Variants in AGAP1 observed in about 807,000 individuals in gnomAD.
AGAP1 encodes ArfGAP with GTPase domain, ankyrin repeat and PH domain 1, also known as arf-GAP with GTPase, ANK repeat and PH domain-containing protein 1.
AGAP1 carries 29 observed loss-of-function variants against 105.3 expected under a neutral mutation model. The observed-to-expected ratio is 0.28, with a 90% CI of 0.21 to 0.38. The LOEUF (loss-of-function observed/expected upper bound fraction) is 0.38, where lower values mean the gene tolerates loss of function less well. Among genes scored for constraint, AGAP1 ranks in the 10% least tolerant of loss-of-function variants. The pLI, the probability that AGAP1 is intolerant of heterozygous loss-of-function variation, is 1.00. For missense variants in AGAP1, 998 were observed against 1,165.1 expected (o/e 0.86, Z 2.09); for synonymous variants, 509 against 485.9 (o/e 1.05, Z -0.63).
In AGAP1 at chr2:235,797,758, G is replaced by A. The variant is rs1209473360; in HGVS notation, c.674-1G>A. 2 of 1,614,036 alleles carry A rather than the reference G, an allele frequency of 1.2e-6. No homozygotes were observed. The highest frequency in any genetic ancestry group is 1.7e-6 in the Non-Finnish European group (2 of 1,180,030). Reference sequence around the variant, plus strand: ...TTTCTTTTTGTCTGTGTGTCCACCAGTTGCCCAGAAGATTGTTGCCACAAG... The same window carrying A: ...TTTCTTTTTGTCTGTGTGTCCACCAATTGCCCAGAAGATTGTTGCCACAAG... On this transcript the variant is annotated splice_acceptor_variant, in intron 6 of 17. Transcript: ENST00000304032. LOFTEE classifies it high-confidence loss of function.
intron 16 of AGAP1, among the ~76,000 whole-genome samples, chr2:236,117,544 G>A (rs2059800712): frequency 1.3e-5 from 2 of 152,194 alleles, no homozygotes; most frequent in South Asian, 4.1e-4. Flanking sequence ...AGTTAGCACT[G>A]TAGCTACTAG....
intron 15 of AGAP1, among the ~76,000 whole-genome samples, chr2:236,043,320 G>A (rs539190661): frequency 5.3e-5 from 8 of 152,314 alleles, no homozygotes; most frequent in African/African-American, 1.9e-4. Context: ...CTTTCCAGAT[G>A]TTCATCACAG....
Position 236,114,585 on chromosome 2 carries a change from C to G in AGAP1, c.2115-5607C>G, listed in dbSNP as rs2059724956. On this transcript the variant is annotated intron_variant, in intron 16 of 17. Transcript: ENST00000304032. The surrounding 1 kb of genome is among the most constrained non-coding windows in gnomAD (Gnocchi z 5.0). The stretch of plus-strand genomic sequence containing the variant: ...CAGGGTTGGTTCTGGTGAGACCTCT[C>G]TCCCTGGCTGACAGATGGTGCCTTC... Among the ~76,000 whole-genome samples, 1 of 152,186 alleles carries G rather than the reference C, an allele frequency of 6.6e-6. No individual in the cohort carries two copies.
chr2:235,944,919 C>T (rs1030980669), intron 12 of AGAP1, among the ~76,000 whole-genome samples: 3 of 152,194 alleles, frequency 2.0e-5, no homozygotes, highest in Non-Finnish European at 4.4e-5. Flanking sequence ...CCTGGACCAG[C>T]ACCCGGCTTT....
At position 235,992,782 on chromosome 2, in the gene AGAP1, C is replaced by T. The variant is rs573453572; in HGVS notation, c.1645+24159C>T. Among the ~76,000 whole-genome samples the T allele has an allele frequency of 1.3e-5, 2 of 152,288 alleles. No homozygotes were observed. The highest frequency in any genetic ancestry group is 1.9e-4 in the East Asian group (1 of 5,164). On this transcript the variant is annotated intron_variant, in intron 13 of 17. Transcript: ENST00000304032. This position sits in a 1 kb window ranked among gnomAD's most constrained non-coding sequence, Gnocchi z 4.8. ...CGAGGAGAGCGTAGCCTCCTGTTAA[C>T]GTAGCCTCCTGCTGCTCTTTGGGGT...
rs115463318 is a variant in AGAP1, at chr2:235,842,002, C to T, written c.1050+34671C>T. ...TTTAGAAGAAATCTTGCCGTCACCA[C>T]TCCATGCAGACGCTGGGATACTAAG... On this transcript the variant is annotated intron_variant, in intron 9 of 17. Transcript: ENST00000304032. This position sits in a 1 kb window ranked among gnomAD's most constrained non-coding sequence, Gnocchi z 5.3. Among the ~76,000 whole-genome samples, 29 of 152,210 alleles carry T rather than the reference C, an allele frequency of 1.9e-4. No individual in the cohort carries two copies. Among genetic ancestry groups the T allele is most frequent in the African/African-American group, 6.8e-4 (28 of 41,454 alleles).
intron 12 of AGAP1, among the ~76,000 whole-genome samples, chr2:235,946,257 G>A (rs11687182): frequency 0.053 from 7,940 of 151,186 alleles, 740 homozygotes; most frequent in African/African-American, 0.18. Context: ...CCCCCAAAGT[G>A]GATTGGATCA....
intron 16 of AGAP1, among the ~76,000 whole-genome samples, chr2:236,068,564 G>C (rs1055110075): frequency 2.6e-5 from 4 of 151,938 alleles, no homozygotes; most frequent in Non-Finnish European, 5.9e-5. Flanking sequence ...ACTTTCGGAG[G>C]CCGAGGCGGG....
At position 235,845,627 on chromosome 2, in the gene AGAP1, T is replaced by A. The variant is rs183224397; in HGVS notation, c.1051-37718T>A. ...ACCCCCCCCCCGATCTGCTTTTTAA[T>A]TTCTCAGTGTATGTTTTCTGGTATA... On this transcript the variant is annotated intron_variant, in intron 9 of 17. Transcript: ENST00000304032. The surrounding 1 kb of genome is among the most constrained non-coding windows in gnomAD (Gnocchi z 4.8). Among the ~76,000 whole-genome samples, 967 of 151,916 alleles carry A rather than the reference T, an allele frequency of 6.4e-3. 11 individuals are homozygous for A. Among genetic ancestry groups the A allele is most frequent in the Middle Eastern group, 0.031 (9 of 294 alleles).
chr2:236,023,506 A>G (rs2056950956), intron 13 of AGAP1, among the ~76,000 whole-genome samples: 1 of 152,204 alleles, frequency 6.6e-6, no homozygotes, highest in East Asian at 1.9e-4. Context: ...GCGGAAGGTA[A>G]GCATCGGTGG....
intron 1 of AGAP1, among the ~76,000 whole-genome samples, chr2:235,595,196 A>T (rs1945485272): frequency 6.6e-6 from 1 of 152,158 alleles, no homozygotes; most frequent in African/African-American, 2.4e-5. Context: ...GGGGAAGGGG[A>T]GGAAAACTGA....
intron 1 of AGAP1, among the ~76,000 whole-genome samples, chr2:235,632,471 G>T (rs1373188621): frequency 6.6e-6 from 1 of 152,308 alleles, no homozygotes; most frequent in African/African-American, 2.4e-5. Flanking sequence ...GCAACTGCCT[G>T]GTGAGCTTTA....
In AGAP1 at chr2:235,733,809, A is replaced by C. The variant is rs1473815801; in HGVS notation, c.311-7154A>C. ...TCACTCACTGCTGGTACCTTTGTGTAGTAGTTACTTTGTATTTTACAATGT... is the reference window on the plus strand; with the variant it reads ...TCACTCACTGCTGGTACCTTTGTGTCGTAGTTACTTTGTATTTTACAATGT... On this transcript the variant is annotated intron_variant, in intron 3 of 17. Coordinates refer to ENST00000304032, the MANE Select transcript of AGAP1 (RefSeq NM_001037131.3). The surrounding 1 kb of genome is among the most constrained non-coding windows in gnomAD (Gnocchi z 5.0). Among the ~76,000 whole-genome samples the C allele has an allele frequency of 6.6e-6, 1 of 152,210 alleles. No homozygotes were observed. The highest frequency in any genetic ancestry group is 1.9e-4 in the East Asian group (1 of 5,192).
At chr2:235,998,503 G>A (rs1559175824) in intron 13 of AGAP1, among the ~76,000 whole-genome samples, 1 of 152,188 alleles carries the variant, frequency 6.6e-6, no homozygotes, top group Non-Finnish European at 1.5e-5. Flanking sequence ...CTCTGGAATG[G>A]AGATAGATTA....
Position 235,788,156 on chromosome 2 carries a change from C to T in AGAP1, c.674-9603C>T, listed in dbSNP as rs1452856703. Among the ~76,000 whole-genome samples, 1 of 152,118 alleles carries T rather than the reference C, an allele frequency of 6.6e-6. No individual in the cohort carries two copies. Among genetic ancestry groups the T allele is most frequent in the East Asian group, 1.9e-4 (1 of 5,192 alleles). On this transcript the variant is annotated intron_variant, in intron 6 of 17. Transcript: ENST00000304032. This position sits in a 1 kb window ranked among gnomAD's most constrained non-coding sequence, Gnocchi z 6.0. ...GGTTTTGAAAGGACATGATCATACA[C>T]AGTACTTAGCTCAAGTGCACAGAGA...
rs143487831 is a variant in AGAP1 at position 236,020,489 on chromosome 2, G to A, written c.1646-16072G>A. On this transcript the variant is annotated intron_variant, in intron 13 of 17. Coordinates refer to ENST00000304032, the MANE Select transcript of AGAP1 (RefSeq NM_001037131.3). The surrounding 1 kb of genome is among the most constrained non-coding windows in gnomAD (Gnocchi z 5.0). ...CAGTTGTAGAAATTTGGCTAAAAGC[G>A]TGAGCTGTGGAGTCACACACGCCTG... 9.9e-4 allele frequency among the ~76,000 whole-genome samples: 151 copies of A among 152,298 alleles called. No homozygotes were observed. The highest frequency in any genetic ancestry group is 2.5e-3 in the South Asian group (12 of 4,828).
At chr2:235,768,362 C>T (rs61565358) in intron 6 of AGAP1, among the ~76,000 whole-genome samples, 2,222 of 152,286 alleles carry the variant, frequency 0.015, 54 homozygotes, top group African/African-American at 0.051. Flanking sequence ...AACATTTTCT[C>T]TATCAGAATA....
At chr2:235,738,642 C>T (rs1309297321) in intron 3 of AGAP1, among the ~76,000 whole-genome samples, 1 of 151,794 alleles carries the variant, frequency 6.6e-6, no homozygotes, top group African/African-American at 2.4e-5. Context: ...CCTGCAACCT[C>T]CACCTCCCAG....
intron 1 of AGAP1, among the ~76,000 whole-genome samples, chr2:235,674,193 G>T (rs1948598972): frequency 6.6e-6 from 1 of 152,118 alleles, no homozygotes; most frequent in African/African-American, 2.4e-5. Context: ...GTGAGTTCAG[G>T]GCTGCTCCCT....
Sources: gnomAD v4.1 joint callset for allele counts (sites outside exome capture counted in the v4.1 genomes callset) on GRCh38, gnomAD v4.1.1 for gene constraint, Gnocchi (gnomAD v3.1) non-coding constraint, MANE v1.5 for transcripts, NCBI Gene and HGNC (gene_info 2026-07-23, HGNC 2026-07-21) for gene names.